TPGS2: variants seen among roughly 807,000 people sequenced by gnomAD.
The protein encoded by TPGS2 is tubulin polyglutamylase complex subunit 2.
TPGS2 carries 26 observed loss-of-function variants against 31.1 expected under a neutral mutation model. The ratio of observed to expected loss-of-function variants is 0.84; its 90% CI spans 0.61 to 1.16. The LOEUF is 1.16. Ranked by LOEUF, TPGS2 falls within the 50% of genes most tolerant of loss-of-function variation. TPGS2 has a pLI of 0.00. For missense variants in TPGS2, 351 were observed against 363.8 expected (o/e 0.96, Z 0.29); for synonymous variants, 130 against 136.6 (o/e 0.95, Z 0.34).
At chr18:36,808,762 T>C (rs1439701305) in intron 2 of TPGS2, among the ~76,000 whole-genome samples, 1 of 151,770 alleles carries the variant, frequency 6.6e-6, no homozygotes, top group East Asian at 1.9e-4. Flanking sequence ...TATGAAATCA[T>C]CCAAACCGTT....
intron 4 of TPGS2, among the ~76,000 whole-genome samples, chr18:36,803,669 A>G (rs778623011): frequency 3.3e-5 from 5 of 151,944 alleles, no homozygotes; most frequent in Admixed American, 1.3e-4. Flanking sequence ...CCCCTCTTTT[A>G]AATTTATTCA....
rs569710612 is a variant in TPGS2, at chr18:36,819,607, A to T, written c.86-634T>A. Among the ~76,000 whole-genome samples, 386 of 152,280 alleles carry T rather than the reference A, an allele frequency of 2.5e-3. 3 individuals carry two copies. The highest frequency in any genetic ancestry group is 3.4e-3 in the Middle Eastern group (1 of 294). The stretch of plus-strand genomic sequence containing the variant: ...TTCACTCTGAGGGAGAGCAGAAGCC[A>T]CCTGGGAATACTACAGAGTTCAATA... On this transcript the variant is annotated intron_variant, in intron 1 of 6. Coordinates refer to ENST00000334295, the MANE Select transcript of TPGS2 (RefSeq NM_015476.4).
intron 1 of TPGS2, among the ~76,000 whole-genome samples, chr18:36,821,794 A>G (rs976209497): frequency 2.0e-5 from 3 of 152,226 alleles, no homozygotes; most frequent in African/African-American, 7.2e-5. Flanking sequence ...TGGGCCTTGA[A>G]GGATGATGTG....
At chr18:36,814,804 T>C (rs534636020) in intron 2 of TPGS2, among the ~76,000 whole-genome samples, 1 of 152,354 alleles carries the variant, frequency 6.6e-6, no homozygotes, top group East Asian at 1.9e-4. Flanking sequence ...TTCTTCCTTA[T>C]GTCTTGTACC....
chr18:36,785,672 A>G (rs1293463099), intron 6 of TPGS2, among the ~76,000 whole-genome samples: 2 of 152,240 alleles, frequency 1.3e-5, no homozygotes, highest in Non-Finnish European at 2.9e-5. Context: ...CTTCAAACAC[A>G]GTTCAGTTGT....
chr18:36,797,658 A>G (rs1241112114), intron 6 of TPGS2, among the ~76,000 whole-genome samples: 1 of 150,136 alleles, frequency 6.7e-6, no homozygotes, highest in Non-Finnish European at 1.5e-5. Flanking sequence ...ATGAATACAT[A>G]CACAGTAAGG....
At chr18:36,828,633 C>T (rs371085416) in intron 1 of TPGS2, 50 bp downstream of exon 1, 6 of 1,603,226 alleles carry the variant, frequency 3.7e-6, no homozygotes, top group Non-Finnish European at 5.1e-6. Flanking sequence ...CCCTCCGCTC[C>T]TCCTTCCTTC....
At chr18:36,822,096 G>A (rs547633331) in intron 1 of TPGS2, among the ~76,000 whole-genome samples, 5 of 152,200 alleles carry the variant, frequency 3.3e-5, no homozygotes, top group Admixed American at 2.0e-4. Flanking sequence ...AGCAAAAGCA[G>A]TAACAATTTT....
rs981928315 is a variant in TPGS2, at chr18:36,796,349, CAA to C, written c.*454_*455del. On this transcript the variant is annotated 3_prime_UTR_variant, in exon 7 of 7. Transcript: ENST00000334295. ...AGAATCTACCAGCCACATGAATACT[CAA>C]AATGTGGCTAATGCAATTGAAGAAA... 10 of 968,180 alleles carry C rather than the reference CAA, an allele frequency of 1.0e-5. No homozygotes were observed. In the East Asian group the frequency reaches 1.1e-3, roughly 111 times the overall value. The allele number at this position is 968,180 out of a possible 1,614,324, so 60.0% of individuals were successfully genotyped here. A position where few individuals can be genotyped will look rare whatever the true frequency, so the allele number is the denominator to read the frequency against.
At chr18:36,800,135 G>A in intron 5 of TPGS2, 63 bp downstream of exon 5, 2 of 1,462,396 alleles carry the variant, frequency 1.4e-6, no homozygotes, top group Non-Finnish European at 9.6e-7. Context: ...AGCCATGGCT[G>A]ACAAGCAAGG....
At chr18:36,784,687 A>G (rs1016799884) in intron 6 of TPGS2, among the ~76,000 whole-genome samples, 2 of 152,238 alleles carry the variant, frequency 1.3e-5, no homozygotes, top group African/African-American at 4.8e-5. Context: ...TATTTAATAG[A>G]ATCCTTATAG....
rs1311343084 is a variant in TPGS2, at chr18:36,828,964, G to A, written c.-197C>T. ...GCCGGTTCCCGCGGCCCCGCCCGGT[G>A]CCCCACACCGCACCTCCGGGACGTA... On this transcript the variant is annotated 5_prime_UTR_variant, in exon 1 of 7. Transcript: ENST00000334295. 2.0e-6 allele frequency: 2 copies of A among 1,005,986 alleles called. No homozygotes were observed. The highest frequency in any genetic ancestry group is 2.8e-6 in the Non-Finnish European group (2 of 721,008). 62.3% of individuals were successfully genotyped at this position (1,005,986 alleles called of 1,614,324 possible).
At chr18:36,800,471 C>T (rs1013665691) in intron 4 of TPGS2, among the ~76,000 whole-genome samples, 160 bp from the exon 5 acceptor site, 2 of 152,166 alleles carry the variant, frequency 1.3e-5, no homozygotes, top group East Asian at 1.9e-4. Context: ...TGAATTAAAG[C>T]CCTAATCTCA....
At position 36,796,838 on chromosome 18, in the gene TPGS2, G is replaced by A; in HGVS notation, c.870C>T (p.Ser290=). 5.6e-6 allele frequency: 9 copies of A among 1,601,762 alleles called. No homozygotes were observed. The highest frequency in any genetic ancestry group is 7.6e-6 in the Non-Finnish European group (9 of 1,176,636). The change falls in exon 7 of 7, where the codon TCC becomes TCT. Residue 290 remains serine, a synonymous_variant. Transcript: ENST00000334295. ...GGGTGGGGTTTCCAGAGCCAGAGGA[G>A]GATTTAGAAGTGGAGGAAGTGGAGG... ...SGPSTSSTSK[S]SSGSGNPTRK
chr18:36,799,390 C>G (rs72883563), intron 5 of TPGS2, among the ~76,000 whole-genome samples: 17,973 of 152,202 alleles, frequency 0.12, 1,359 homozygotes, highest in Admixed American at 0.17. Flanking sequence ...CTCCTCACCC[C>G]CTACATGAAC....
intron 1 of TPGS2, among the ~76,000 whole-genome samples, chr18:36,821,849 C>T (rs989937151): frequency 1.3e-5 from 2 of 152,186 alleles, no homozygotes; most frequent in East Asian, 1.9e-4. Context: ...TCCTGTTCCC[C>T]GCTGGCGTGC....
intron 2 of TPGS2, among the ~76,000 whole-genome samples, chr18:36,814,252 G>A (rs1270320808): frequency 6.6e-6 from 1 of 152,220 alleles, no homozygotes; most frequent in Non-Finnish European, 1.5e-5. Context: ...GTGCTTGAAA[G>A]ATGAAAAGCT....
downstream of TPGS2, chr18:36,780,200 T>A: frequency 8.1e-7 from 1 of 1,231,702 alleles, no homozygotes; most frequent in Non-Finnish European, 1.0e-6. Flanking sequence ...TGTATTTTGT[T>A]AATAGAGTGA....
intron 2 of TPGS2, among the ~76,000 whole-genome samples, chr18:36,811,874 A>T (rs1275007367): frequency 6.6e-6 from 1 of 152,210 alleles, no homozygotes. Context: ...AGACACATGG[A>T]TTGCTTATTC....
Sources: allele counts gnomAD v4.1 joint callset (sites outside exome capture counted in the v4.1 genomes callset), GRCh38; gene constraint gnomAD v4.1.1; transcripts MANE v1.5; gene names NCBI Gene and HGNC (gene_info 2026-07-23, HGNC 2026-07-21).